The following EPB41L4A variants were observed in gnomAD, a reference collection of about 807,000 sequenced individuals.
The protein encoded by EPB41L4A is band 4.1-like protein 4A.
A neutral mutation model predicts 108.6 loss-of-function variants in EPB41L4A; 100 were observed. The ratio of observed to expected loss-of-function variants is 0.92; its 90% CI spans 0.78 to 1.09. The LOEUF is 1.09. EPB41L4A is among the 50% of genes least tolerant of loss of function. The probability of loss-of-function intolerance (pLI) is 0.00; values close to 1 mark genes in which losing one functional copy is unlikely to be tolerated. For synonymous variants in EPB41L4A, 319 were observed against 289.0 expected (o/e 1.10, Z -1.05); for missense variants, 1,030 against 842.7 (o/e 1.22, Z -2.75).
At chr5:112,343,612 A>G (rs1337441065) in intron 1 of EPB41L4A, among the ~76,000 whole-genome samples, 8 of 152,140 alleles carry the variant, frequency 5.3e-5, no homozygotes, top group Non-Finnish European at 8.8e-5. Flanking sequence ...CACCAAGACC[A>G]CCATCATTTC....
chr5:112,419,563 C>T (rs1176072628), upstream of EPB41L4A: 2 of 443,536 alleles, frequency 4.5e-6, no homozygotes, highest in African/African-American at 2.0e-5. Flanking sequence ...CCAGCCGCGA[C>T]CCCGCCCCGC....
At chr5:112,369,706 T>G (rs1395301646) in intron 1 of EPB41L4A, among the ~76,000 whole-genome samples, 1 of 152,324 alleles carries the variant, frequency 6.6e-6, no homozygotes, top group Non-Finnish European at 1.5e-5. Flanking sequence ...CAGGAGGAAC[T>G]TGGTGAGGGA....
chr5:112,365,309 C>T (rs1306772731), intron 1 of EPB41L4A, among the ~76,000 whole-genome samples: 1 of 152,186 alleles, frequency 6.6e-6, no homozygotes, highest in Non-Finnish European at 1.5e-5. Flanking sequence ...GTAATCCTCC[C>T]ACCTCAGCCT....
intron 17 of EPB41L4A, among the ~76,000 whole-genome samples, chr5:112,193,385 T>C (rs995418947): frequency 2.0e-5 from 3 of 152,208 alleles, no homozygotes; most frequent in Non-Finnish European, 4.4e-5. Flanking sequence ...CACTGCAACC[T>C]TCACCTCCCG....
chr5:112,384,205 C>G (rs1309418252), intron 1 of EPB41L4A, among the ~76,000 whole-genome samples: 1 of 151,900 alleles, frequency 6.6e-6, no homozygotes, highest in Non-Finnish European at 1.5e-5. Context: ...CATGAATATA[C>G]CAAAAAACAC....
At chr5:112,385,386 A>C (rs1412693904) in intron 1 of EPB41L4A, among the ~76,000 whole-genome samples, 1 of 152,150 alleles carries the variant, frequency 6.6e-6, no homozygotes, top group East Asian at 1.9e-4. Flanking sequence ...AGAGCTGGTA[A>C]CAAGTTTTTA....
chr5:112,273,452 C>CT (rs1580583489), intron 4 of EPB41L4A, among the ~76,000 whole-genome samples: 1 of 152,182 alleles, frequency 6.6e-6, no homozygotes, highest in African/African-American at 2.4e-5. Flanking sequence ...AAACAATGAT[C>CT]TTTTTTATCC....
intron 9 of EPB41L4A, among the ~76,000 whole-genome samples, chr5:112,244,523 T>C (rs1750065347): frequency 1.3e-5 from 2 of 152,182 alleles, no homozygotes; most frequent in African/African-American, 2.4e-5. Flanking sequence ...TGGGAGGCCA[T>C]GGACCACAGC....
At chr5:112,365,283 C>G (rs563787898) in intron 1 of EPB41L4A, among the ~76,000 whole-genome samples, 1 of 152,140 alleles carries the variant, frequency 6.6e-6, no homozygotes, top group Non-Finnish European at 1.5e-5. Flanking sequence ...ATACTACAGC[C>G]TCAAACTCCT....
intron 1 of EPB41L4A, among the ~76,000 whole-genome samples, chr5:112,417,603 G>A (rs1762788426): frequency 6.6e-6 from 1 of 152,036 alleles, no homozygotes; most frequent in Non-Finnish European, 1.5e-5. Flanking sequence ...AAATATTTTG[G>A]AACATAAAGA....
At chr5:112,408,690 AAAAAAAAAAAAAAAAAAAAAAAAAAAAAG>A (rs966098000) in intron 1 of EPB41L4A, among the ~76,000 whole-genome samples, 9 of 78,656 alleles carry the variant, frequency 1.1e-4, no homozygotes, top group South Asian at 5.4e-4. Flanking sequence ...AAAAAAAAAA[AAAAAAAAAAAAAAAAAAAAAAAAAAAAAG>A]GGCCAGTAAG....
chr5:112,253,423 T>C (rs1733834542), intron 9 of EPB41L4A, among the ~76,000 whole-genome samples: 1 of 152,110 alleles, frequency 6.6e-6, no homozygotes, highest in South Asian at 2.1e-4. Flanking sequence ...TTATAAAAGA[T>C]AAAAAAATGC....
intron 1 of EPB41L4A, among the ~76,000 whole-genome samples, chr5:112,326,151 TA>T (rs201901006): frequency 6.6e-6 from 1 of 152,054 alleles, no homozygotes; most frequent in Non-Finnish European, 1.5e-5. Context: ...CTCCATCTCT[TA>T]AAAAAAATTT....
At chr5:112,266,579 T>C (rs1009078679) in intron 4 of EPB41L4A, among the ~76,000 whole-genome samples, 1 of 152,186 alleles carries the variant, frequency 6.6e-6, no homozygotes, top group Admixed American at 6.5e-5. Context: ...AGCCCCAGCA[T>C]TCAGTACCTC....
At chr5:112,368,178 T>C (rs1188821089) in intron 1 of EPB41L4A, among the ~76,000 whole-genome samples, 2 of 152,236 alleles carry the variant, frequency 1.3e-5, no homozygotes, top group East Asian at 1.9e-4. Context: ...TCTTTAAAGA[T>C]ATGGGAAGTA....
chr5:112,244,187 T>C (rs1395310450), intron 9 of EPB41L4A, among the ~76,000 whole-genome samples: 1 of 152,206 alleles, frequency 6.6e-6, no homozygotes, highest in East Asian at 1.9e-4. Flanking sequence ...TCTTGGAAAC[T>C]AGGGAGGCCT....
At chr5:112,347,791 T>G (rs2150721354) in intron 1 of EPB41L4A, among the ~76,000 whole-genome samples, 2 of 152,346 alleles carry the variant, frequency 1.3e-5, no homozygotes, top group Non-Finnish European at 2.9e-5. Flanking sequence ...GCATCCCCTG[T>G]GTCTTCCAGC....
intron 1 of EPB41L4A, among the ~76,000 whole-genome samples, chr5:112,319,309 A>T (rs1755619293): frequency 6.6e-6 from 1 of 152,212 alleles, no homozygotes; most frequent in Admixed American, 6.5e-5. Flanking sequence ...CTATGAGAAA[A>T]ATCTATGAGT....
chr5:112,247,699 T>C (rs530698642), intron 9 of EPB41L4A, among the ~76,000 whole-genome samples: 1 of 152,286 alleles, frequency 6.6e-6, no homozygotes, highest in South Asian at 2.1e-4. Context: ...AATGATGGAA[T>C]TGGGGGTTTG....
Sources: gnomAD v4.1 joint callset for allele counts (sites outside exome capture counted in the v4.1 genomes callset) on GRCh38, gnomAD v4.1.1 for gene constraint, MANE v1.5 for transcripts, NCBI Gene and HGNC (gene_info 2026-07-23, HGNC 2026-07-21) for gene names.